The following LYPD8 variants were observed in gnomAD, a reference collection of about 807,000 sequenced individuals.
The protein encoded by LYPD8 is ly6/PLAUR domain-containing protein 8.
Under a neutral mutation model 1.7 loss-of-function variants are expected in LYPD8, and 8 were observed. That is an observed-to-expected ratio of 4.58 (90% confidence interval 2.69 to 8.27). The LOEUF is 8.27. Among genes scored for constraint, LYPD8 ranks in the 30% most tolerant of loss-of-function variants. The pLI, the probability that LYPD8 is intolerant of heterozygous loss-of-function variation, is 0.00. For synonymous variants in LYPD8, 50 were observed against 43.6 expected, an observed-to-expected ratio of 1.15 and a Z score of -0.58; for missense variants, 112 against 102.3, an observed-to-expected ratio of 1.09 and a Z score of -0.41.
At chr1:248,751,426 C>T (rs1662800306) in intron 2 of LYPD8, among the ~76,000 whole-genome samples, 1 of 152,086 alleles carries the variant, frequency 6.6e-6, no homozygotes, top group Non-Finnish European at 1.5e-5. Flanking sequence ...TTTAGTTTCA[C>T]TTTTGGGATG....
At chr1:248,753,207 AACACACACACCACACC>A (rs1662854104) in intron 2 of LYPD8, among the ~76,000 whole-genome samples, 1 of 93,774 alleles carries the variant, frequency 1.1e-5, no homozygotes, top group Non-Finnish European at 2.1e-5. Context: ...CACCCCACAC[AACACACACACCACACC>A]ACACACACAC....
Position 248,739,914 on chromosome 1 carries a change from C to G in LYPD8, c.476-65G>C. On this transcript the variant is annotated intron_variant, in intron 6 of 6. Transcript: ENST00000590317. The surrounding 1 kb of genome is among the most constrained non-coding windows in gnomAD (Gnocchi z 4.3). ...CTTTGTCCTTCCACCCACGCCTGCT[C>G]TTAGTTCTTCACCTGCAGCACGGTG... 6.5e-7 allele frequency: 1 copy of G among 1,538,216 alleles called. No individual in the cohort carries two copies. Among genetic ancestry groups the G allele is most frequent in the South Asian group, 1.2e-5 (1 of 83,182 alleles).
At chr1:248,740,558 G>A (rs2103164575) in intron 6 of LYPD8, among the ~76,000 whole-genome samples, 1 of 152,386 alleles carries the variant, frequency 6.6e-6, no homozygotes, top group East Asian at 1.9e-4. Context: ...CAGCCCTGGA[G>A]ACAGGCACCT....
intron 2 of LYPD8, among the ~76,000 whole-genome samples, chr1:248,753,690 A>G (rs1384432274): frequency 2.2e-5 from 3 of 138,276 alleles, no homozygotes; most frequent in Non-Finnish European, 4.7e-5. Context: ...ACCACATCAC[A>G]CACACACCAC....
At chr1:248,743,950 G>A (rs1553283821) in intron 6 of LYPD8, among the ~76,000 whole-genome samples, 1 of 152,244 alleles carries the variant, frequency 6.6e-6, no homozygotes. Context: ...TTGAGCCATA[G>A]GCTTTGGAGG....
At chr1:248,753,186 A>AT (rs1662852915) in intron 2 of LYPD8, among the ~76,000 whole-genome samples, 1 of 82,184 alleles carries the variant, frequency 1.2e-5, no homozygotes, top group Admixed American at 1.2e-4. Context: ...TCACACACAC[A>AT]CACCACATCA....
chr1:248,741,766 A>C (rs1221866035), intron 6 of LYPD8, among the ~76,000 whole-genome samples: 1 of 152,230 alleles, frequency 6.6e-6, no homozygotes, highest in Non-Finnish European at 1.5e-5. Flanking sequence ...TTTAGAATTA[A>C]AAATCATAGC....
chr1:248,748,228 C>G, intron 5 of LYPD8, 61 bp downstream of exon 5: 2 of 381,072 alleles, frequency 5.2e-6, no homozygotes, highest in Non-Finnish European at 9.1e-6. Context: ...AGCACCCACC[C>G]AGGGCATCCC....
chr1:248,752,604 ACC>A (rs1418754797), intron 2 of LYPD8, among the ~76,000 whole-genome samples: 1 of 131,082 alleles, frequency 7.6e-6, no homozygotes, highest in African/African-American at 2.9e-5. Flanking sequence ...CACCCCACAC[ACC>A]CCACACACAT....
At chr1:248,753,075 A>AC (rs1662847392) in intron 2 of LYPD8, among the ~76,000 whole-genome samples, 2 of 68,490 alleles carry the variant, frequency 2.9e-5, no homozygotes, top group Non-Finnish European at 5.6e-5. Flanking sequence ...CACCCCACAC[A>AC]CCCCACACCA....
intron 2 of LYPD8, among the ~76,000 whole-genome samples, chr1:248,753,203 A>C: frequency 1.0e-5 from 1 of 98,878 alleles, no homozygotes; most frequent in South Asian, 3.5e-4. Flanking sequence ...ATCACACCCC[A>C]CACAACACAC....
At chr1:248,751,307 G>A (rs1207565693) in intron 2 of LYPD8, among the ~76,000 whole-genome samples, 177 bp from the exon 3 acceptor site, 3 of 151,482 alleles carry the variant, frequency 2.0e-5, no homozygotes, top group Non-Finnish European at 4.4e-5. Context: ...GGAGGGCCAA[G>A]TTTTCTTAAT....
intron 3 of LYPD8, 29 bp from the exon 4 acceptor site, chr1:248,750,672 C>G: frequency 2.5e-6 from 1 of 398,522 alleles, no homozygotes; most frequent in Non-Finnish European, 4.4e-6. Flanking sequence ...CAACACCAGT[C>G]AACATTCAGT....
chr1:248,752,857 C>CACACCCCACAT (rs1662836113), intron 2 of LYPD8, among the ~76,000 whole-genome samples: 1 of 100,096 alleles, frequency 1.0e-5, no homozygotes, highest in East Asian at 4.8e-4. Flanking sequence ...ACACACCACA[C>CACACCCCACAT]CACACACACA....
chr1:248,753,918 TACACACAAC>T (rs1662882778), intron 2 of LYPD8, among the ~76,000 whole-genome samples: 2 of 131,110 alleles, frequency 1.5e-5, no homozygotes, highest in Non-Finnish European at 1.6e-5. Flanking sequence ...ACATACTACA[TACACACAAC>T]ACACACAACA....
intron 6 of LYPD8, among the ~76,000 whole-genome samples, chr1:248,743,795 T>C (rs1662669401): frequency 6.6e-6 from 1 of 152,150 alleles, no homozygotes; most frequent in African/African-American, 2.4e-5. Flanking sequence ...CCACTACCTC[T>C]CTTTCCTACT....
intron 6 of LYPD8, among the ~76,000 whole-genome samples, chr1:248,741,484 G>C (rs1662597223): frequency 6.6e-6 from 1 of 152,234 alleles, no homozygotes; most frequent in Admixed American, 6.5e-5. Context: ...TGGGATTACA[G>C]GCGTGAGCCA....
intron 2 of LYPD8, among the ~76,000 whole-genome samples, chr1:248,752,888 ATACACACATCACACACACCCCACACAC>A (rs1662838014): frequency 3.6e-5 from 3 of 84,000 alleles, no homozygotes; most frequent in African/African-American, 5.7e-5. Context: ...CACACAACAC[ATACACACATCACACACACCCCACACAC>A]CAACACACCA....
chr1:248,741,529 T>G (rs1662598881), intron 6 of LYPD8, among the ~76,000 whole-genome samples: 1 of 152,104 alleles, frequency 6.6e-6, no homozygotes, highest in African/African-American at 2.4e-5. Context: ...TCAGAGTGAG[T>G]TAAGGAGGTG....
Sources: allele counts gnomAD v4.1 joint callset (sites outside exome capture counted in the v4.1 genomes callset), GRCh38; gene constraint gnomAD v4.1.1; non-coding constraint Gnocchi (gnomAD v3.1); transcripts MANE v1.5; gene names NCBI Gene and HGNC (gene_info 2026-07-23, HGNC 2026-07-21).